The following BCAS3 variants were observed in gnomAD, a reference collection of about 807,000 sequenced individuals.
The protein encoded by BCAS3 is BCAS4/BCAS3 fusion.
A neutral mutation model predicts 116.1 loss-of-function variants in BCAS3; 53 were observed. The observed-to-expected ratio is 0.46, with a 90% CI of 0.37 to 0.57. BCAS3 has a LOEUF of 0.57. Ranked by LOEUF, BCAS3 falls within the 20% of genes least tolerant of loss-of-function variation. The pLI is 0.00. For synonymous variants in BCAS3, 391 were observed against 408.2 expected (o/e 0.96, Z 0.51); for missense variants, 917 against 1,165.4 (o/e 0.79, Z 3.10).
chr17:60,997,480 G>A (rs2063918707), intron 15 of BCAS3, among the ~76,000 whole-genome samples: 1 of 152,096 alleles, frequency 6.6e-6, no homozygotes. Context: ...TAAGGAAATG[G>A]GTAGTGAGGA....
At position 61,008,747 on chromosome 17, in the gene BCAS3, T is replaced by A. The variant is rs936365312; in HGVS notation, c.1487-7004T>A. On this transcript the variant is annotated intron_variant, in intron 15 of 23. Transcript: ENST00000407086. The surrounding 1 kb of genome is among the most constrained non-coding windows in gnomAD (Gnocchi z 4.6). ...CCCCGTAGAACTCATCATCTAGTTT[T>A]TATTTTTGAAAGATATGATATAGGG... Among the ~76,000 whole-genome samples, 2 of 152,082 alleles carry A rather than the reference T, an allele frequency of 1.3e-5. No individual in the cohort carries two copies. Among genetic ancestry groups the A allele is most frequent in the Non-Finnish European group, 2.9e-5 (2 of 67,982 alleles).
intron 6 of BCAS3, among the ~76,000 whole-genome samples, chr17:60,771,773 GT>G (rs1354203662): frequency 6.6e-6 from 1 of 152,094 alleles, no homozygotes; most frequent in Non-Finnish European, 1.5e-5. Flanking sequence ...TCATTGTTCA[GT>G]TCCCAACTAT....
intron 22 of BCAS3, among the ~76,000 whole-genome samples, chr17:61,107,540 A>C (rs1055484441): frequency 1.3e-5 from 2 of 152,154 alleles, no homozygotes; most frequent in African/African-American, 4.8e-5. Context: ...GACCCCTGCC[A>C]GCTACTAATC....
In BCAS3 at chr17:61,229,146, T is replaced by C. The variant is rs556312413; in HGVS notation, c.2426-139181T>C. Among the ~76,000 whole-genome samples, 19 of 152,324 alleles carry C rather than the reference T, an allele frequency of 1.2e-4. No individual in the cohort carries two copies. The highest frequency in any genetic ancestry group is 3.6e-4 in the African/African-American group (15 of 41,576). On this transcript the variant is annotated intron_variant, in intron 22 of 23. Coordinates refer to ENST00000407086, the MANE Select transcript of BCAS3 (RefSeq NM_017679.5). This position sits in a 1 kb window ranked among gnomAD's most constrained non-coding sequence, Gnocchi z 4.4. Reference sequence around the variant, plus strand: ...CTCTTGCCTCGGCCTCCCAAAGTGCTGGGATTACTGATGTGAGCCACCGCA... The same window carrying C: ...CTCTTGCCTCGGCCTCCCAAAGTGCCGGGATTACTGATGTGAGCCACCGCA...
At chr17:60,698,422 C>A (rs2035931422) in intron 4 of BCAS3, among the ~76,000 whole-genome samples, 1 of 151,298 alleles carries the variant, frequency 6.6e-6, no homozygotes, top group Non-Finnish European at 1.5e-5. Context: ...GGCAAGAGTA[C>A]TGCTTGAGCC....
intron 6 of BCAS3, among the ~76,000 whole-genome samples, chr17:60,773,287 C>CTT (rs1210680882): frequency 0.011 from 1,003 of 91,918 alleles, 4 homozygotes; most frequent in African/African-American, 0.023. Context: ...TCTTCAGGTC[C>CTT]TTTTTTTTTT....
chr17:61,135,243 G>A (rs1443547448), intron 22 of BCAS3, among the ~76,000 whole-genome samples: 1 of 152,144 alleles, frequency 6.6e-6, no homozygotes, highest in Admixed American at 6.5e-5. Flanking sequence ...TTAATTCAAA[G>A]ACATATTCTG....
chr17:60,748,079 C>A (rs984825117), intron 6 of BCAS3, among the ~76,000 whole-genome samples: 4 of 151,892 alleles, frequency 2.6e-5, no homozygotes, highest in Non-Finnish European at 5.9e-5. Flanking sequence ...TTAAAATCTT[C>A]TTAAAAAGAG....
In BCAS3 at chr17:61,276,817, C is replaced by T. The variant is rs141961911; in HGVS notation, c.2426-91510C>T. 5.9e-5 allele frequency among the ~76,000 whole-genome samples: 9 copies of T among 152,230 alleles called. No homozygotes were observed. In the East Asian group the frequency reaches 1.7e-3, roughly 29 times the overall value. ...AATTTCAAAATATACTTCTAAGCTA[C>T]AGTAATCAAGACAGTGTGGTACTGG... On this transcript the variant is annotated intron_variant, in intron 22 of 23. Coordinates refer to ENST00000407086, the MANE Select transcript of BCAS3 (RefSeq NM_017679.5). The surrounding 1 kb of genome is among the most constrained non-coding windows in gnomAD (Gnocchi z 4.2).
Position 61,278,330 on chromosome 17 carries a change from C to T in BCAS3, c.2426-89997C>T, listed in dbSNP as rs927323313. Among the ~76,000 whole-genome samples, 6 of 152,154 alleles carry T rather than the reference C, an allele frequency of 3.9e-5. No individual in the cohort carries two copies. The highest frequency in any genetic ancestry group is 6.5e-5 in the Admixed American group (1 of 15,272). On this transcript the variant is annotated intron_variant, in intron 22 of 23. Transcript: ENST00000407086. This position sits in a 1 kb window ranked among gnomAD's most constrained non-coding sequence, Gnocchi z 5.8. ...TGCTGGGATTACAGGCATGAGCCAC[C>T]GTTCCCAGATAATTTTTGTGTTTTT...
At chr17:60,932,326 C>A (rs965116553) in intron 13 of BCAS3, among the ~76,000 whole-genome samples, 2 of 152,114 alleles carry the variant, frequency 1.3e-5, no homozygotes, top group Non-Finnish European at 2.9e-5. Flanking sequence ...TAATTAATTA[C>A]ATTGGATTGC....
chr17:60,963,415 A>AGT (rs1371351607), intron 14 of BCAS3, among the ~76,000 whole-genome samples: 3 of 151,700 alleles, frequency 2.0e-5, no homozygotes, highest in Non-Finnish European at 4.4e-5. Context: ...CATATTTCAT[A>AGT]GTTTTCTTTT....
rs765907930 is a variant in BCAS3, at chr17:61,196,956, A to AT, written c.2425+112394dup. On this transcript the variant is annotated intron_variant, in intron 22 of 23. Coordinates refer to ENST00000407086, the MANE Select transcript of BCAS3 (RefSeq NM_017679.5). This position sits in a 1 kb window ranked among gnomAD's most constrained non-coding sequence, Gnocchi z 4.7. ...ACATTCAATGCTAGAGAAGATAATA[A>AT]TTGTGGTGTTGGCTCACTCCCAGAA... is the stretch of plus-strand genomic sequence containing the variant. Among the ~76,000 whole-genome samples, 2 of 152,200 alleles carry AT rather than the reference A, an allele frequency of 1.3e-5. No individual in the cohort carries two copies. The highest frequency in any genetic ancestry group is 2.9e-5 in the Non-Finnish European group (2 of 68,038).
In BCAS3 at chr17:61,368,106, C is replaced by T. The variant is rs377322984; in HGVS notation, c.2426-221C>T. 5 of 413,530 alleles carry T rather than the reference C, an allele frequency of 1.2e-5. No individual in the cohort carries two copies. The highest frequency in any genetic ancestry group is 2.0e-4 in the South Asian group (2 of 10,086). The allele number at this position is 413,530 out of a possible 1,614,324, so 25.6% of individuals were successfully genotyped here. On this transcript the variant is annotated intron_variant, in intron 22 of 23. Transcript: ENST00000407086. The surrounding 1 kb of genome is among the most constrained non-coding windows in gnomAD (Gnocchi z 6.0). ...TAGCTCCTCAGAAACAGTTGTAAAA[C>T]CACCAGCCTCAGTGTCACGGAAGTC...
chr17:61,327,052 T>C lies in BCAS3; in HGVS notation c.2426-41275T>C, dbSNP rs2055789360. ...CGGGCGCGGTGGCTCACACCTGTAA[T>C]CCCAGCACTTTGGGAGGCCGAGGTA... On this transcript the variant is annotated intron_variant, in intron 22 of 23. Coordinates refer to ENST00000407086, the MANE Select transcript of BCAS3 (RefSeq NM_017679.5). The surrounding 1 kb of genome is among the most constrained non-coding windows in gnomAD (Gnocchi z 5.9). Among the ~76,000 whole-genome samples, 1 of 152,200 alleles carries C rather than the reference T, an allele frequency of 6.6e-6. No individual in the cohort carries two copies. Among genetic ancestry groups the C allele is most frequent in the African/African-American group, 2.4e-5 (1 of 41,442 alleles).
chr17:60,831,921 A>G (rs1368481679), intron 7 of BCAS3, among the ~76,000 whole-genome samples: 1 of 152,072 alleles, frequency 6.6e-6, no homozygotes, highest in Non-Finnish European at 1.5e-5. Flanking sequence ...ATTCAGAAGA[A>G]AACATTCTGA....
chr17:61,240,885 A>G (rs563163674), intron 22 of BCAS3, among the ~76,000 whole-genome samples: 1 of 152,370 alleles, frequency 6.6e-6, no homozygotes, highest in East Asian at 1.9e-4. Flanking sequence ...CATTTTTAAA[A>G]GGTACCAAGG....
chr17:61,234,617 A>C (rs1265622010), intron 22 of BCAS3, among the ~76,000 whole-genome samples: 1 of 152,072 alleles, frequency 6.6e-6, no homozygotes, highest in Non-Finnish European at 1.5e-5. Flanking sequence ...TAACACCTAC[A>C]GTTCCAGACC....
At chr17:61,322,932 CTGTT>C (rs1339454406) in intron 22 of BCAS3, among the ~76,000 whole-genome samples, 2 of 150,550 alleles carry the variant, frequency 1.3e-5, no homozygotes, top group Non-Finnish European at 2.9e-5. Context: ...GAATAAGAAT[CTGTT>C]TGAGCACCCT....
Sources: allele counts gnomAD v4.1 joint callset (sites outside exome capture counted in the v4.1 genomes callset), GRCh38; gene constraint gnomAD v4.1.1; non-coding constraint Gnocchi (gnomAD v3.1); transcripts MANE v1.5; gene names NCBI Gene and HGNC (gene_info 2026-07-23, HGNC 2026-07-21).